The following ZFP64 variants were observed in gnomAD, a reference collection of about 807,000 sequenced individuals.
The protein encoded by ZFP64 is ZFP64 zinc finger protein, also known as zinc finger protein 64.
Under a neutral mutation model 51.6 loss-of-function variants are expected in ZFP64, and 14 were observed. The observed-to-expected ratio is 0.27, with a 90% CI of 0.18 to 0.42. The LOEUF is 0.42. ZFP64 is among the 10% of genes least tolerant of loss of function. The pLI is 1.00. For synonymous variants in ZFP64, 375 were observed against 361.4 expected (o/e 1.04, Z -0.43); for missense variants, 754 against 906.8 (o/e 0.83, Z 2.16).
intron 2 of ZFP64, among the ~76,000 whole-genome samples, chr20:52,170,558 A>G (rs1010481572): frequency 1.3e-5 from 2 of 152,262 alleles, no homozygotes. Context: ...ATCCCAAAGT[A>G]GATGGCTATA....
chr20:52,089,943 C>A (rs1456688724), intron 7 of ZFP64, among the ~76,000 whole-genome samples: 1 of 151,838 alleles, frequency 6.6e-6, no homozygotes, highest in Admixed American at 6.6e-5. Context: ...TGCTGTGAAC[C>A]TAAAACTGCT....
At chr20:52,099,997 G>A (rs953855958) in intron 5 of ZFP64, among the ~76,000 whole-genome samples, 1 of 152,182 alleles carries the variant, frequency 6.6e-6, no homozygotes, top group Non-Finnish European at 1.5e-5. Flanking sequence ...AAGGTCTGAA[G>A]TTTTTTCTTT....
At position 52,153,280 on chromosome 20, in the gene ZFP64, C is replaced by A. The variant is rs751065135; in HGVS notation, c.912G>T (p.Ser304=). 1 of 1,614,180 alleles carries A rather than the reference C, an allele frequency of 6.2e-7. No homozygotes were observed. The highest frequency in any genetic ancestry group is 1.1e-5 in the South Asian group (1 of 91,078). ...TCCCGCTGTGCTTGATACGGATGTG[C>A]GACTTGAGGTTCCCCTTCATGGTGC... is the stretch of plus-strand genomic sequence containing the variant. ...VRCTMKGNLK[S]HIRIKHSGNN... The change falls in exon 6 of 6, where the codon TCG becomes TCT. Residue 304 remains serine, a synonymous_variant. Transcript: ENST00000216923. The surrounding 1 kb of genome is among the most constrained non-coding windows in gnomAD (Gnocchi z 5.1).
chr20:52,102,223 A>T (rs2079060676), intron 5 of ZFP64, among the ~76,000 whole-genome samples: 1 of 152,032 alleles, frequency 6.6e-6, no homozygotes, highest in Admixed American at 6.6e-5. Context: ...ACAATTTGAG[A>T]AGCACAGCTC....
intron 5 of ZFP64, among the ~76,000 whole-genome samples, chr20:52,106,091 C>A (rs1261983413): frequency 6.6e-6 from 1 of 152,184 alleles, no homozygotes; most frequent in Non-Finnish European, 1.5e-5. Flanking sequence ...GCTCCCGCCC[C>A]GTGACTCGGG....
intron 5 of ZFP64, among the ~76,000 whole-genome samples, chr20:52,156,611 T>C (rs186738046): frequency 1.3e-5 from 2 of 152,320 alleles, no homozygotes; most frequent in East Asian, 1.9e-4. Context: ...ATATTGCATC[T>C]ATTGAGGTTT....
chr20:52,096,678 C>G (rs540178532), intron 7 of ZFP64: 1 of 181,410 alleles, frequency 5.5e-6, no homozygotes, highest in African/African-American at 2.3e-5. Flanking sequence ...CACCTGAGGT[C>G]AGGAGTTCGA....
chr20:52,103,409 T>C (rs947803868), intron 5 of ZFP64, among the ~76,000 whole-genome samples: 8 of 152,264 alleles, frequency 5.3e-5, no homozygotes, highest in African/African-American at 9.6e-5. Flanking sequence ...AAAACGTCAG[T>C]TGGAAGACGG....
At chr20:52,121,483 A>T (rs1335499160) in intron 5 of ZFP64, among the ~76,000 whole-genome samples, 1 of 152,248 alleles carries the variant, frequency 6.6e-6, no homozygotes, top group Admixed American at 6.5e-5. Context: ...TCTACGCCAA[A>T]GCCTAATTCA....
intron 5 of ZFP64, among the ~76,000 whole-genome samples, chr20:52,107,184 AAG>A (rs1215547819): frequency 2.6e-5 from 4 of 152,168 alleles, no homozygotes; most frequent in South Asian, 4.1e-4. Context: ...GGGAAGTTGA[AAG>A]AGGGGTGCAT....
chr20:52,190,408 G>A (rs1401903338), intron 1 of ZFP64, among the ~76,000 whole-genome samples: 1 of 150,888 alleles, frequency 6.6e-6, no homozygotes, highest in Non-Finnish European at 1.5e-5. Flanking sequence ...GTGACTTTAA[G>A]CGTGGGTTTT....
chr20:52,156,262 A>T (rs2122976527), intron 5 of ZFP64, among the ~76,000 whole-genome samples: 1 of 152,272 alleles, frequency 6.6e-6, no homozygotes, highest in South Asian at 2.1e-4. Context: ...CCATGTATGT[A>T]GTTAGGCATG....
At chr20:52,112,320 A>G (rs950798225) in intron 5 of ZFP64, among the ~76,000 whole-genome samples, 2 of 152,146 alleles carry the variant, frequency 1.3e-5, no homozygotes, top group African/African-American at 4.8e-5. Context: ...ATGGAGTAAG[A>G]GTTATAGTTA....
chr20:52,116,327 G>A (rs1978870253), intron 5 of ZFP64, among the ~76,000 whole-genome samples: 1 of 151,686 alleles, frequency 6.6e-6, no homozygotes, highest in Non-Finnish European at 1.5e-5. Flanking sequence ...GTAGAGACGG[G>A]GTTTCCCCAT....
At chr20:52,110,864 C>T in intron 5 of ZFP64, 1 of 1,610,300 alleles carries the variant, frequency 6.2e-7, no homozygotes, top group Non-Finnish European at 8.5e-7. Context: ...ATCCCCACCT[C>T]TGCCACCAAG....
chr20:52,126,833 C>T (rs1296830902), intron 5 of ZFP64, among the ~76,000 whole-genome samples: 2 of 151,928 alleles, frequency 1.3e-5, no homozygotes, highest in Non-Finnish European at 2.9e-5. Flanking sequence ...TAATGAAAGA[C>T]ACCCATATGG....
At chr20:52,121,018 G>T (rs1415985884) in intron 5 of ZFP64, among the ~76,000 whole-genome samples, 2 of 152,104 alleles carry the variant, frequency 1.3e-5, no homozygotes, top group Admixed American at 1.3e-4. Flanking sequence ...AACTGTTTTA[G>T]GGTGCCATGA....
Position 52,191,673 on chromosome 20 carries a change from C to G in ZFP64, c.-37G>C. On this transcript the variant is annotated 5_prime_UTR_variant, in exon 1 of 6. Transcript: ENST00000216923. The surrounding 1 kb of genome is among the most constrained non-coding windows in gnomAD (Gnocchi z 4.3). ...GGGAGGTCCCCGGCCGGCCGGGATG[C>G]CAAAGTGGGGGACGCTGATCTACAT... The G allele has an allele frequency of 6.4e-7, 1 of 1,567,084 alleles. No homozygotes were observed. Among genetic ancestry groups the G allele is most frequent in the Non-Finnish European group, 8.6e-7 (1 of 1,160,696 alleles).
At chr20:52,099,699 G>A (rs995821445) in intron 5 of ZFP64, among the ~76,000 whole-genome samples, 3 of 152,190 alleles carry the variant, frequency 2.0e-5, no homozygotes, top group Non-Finnish European at 4.4e-5. Context: ...ATGTGAATTT[G>A]TCTTCAAAAA....
Sources: allele counts gnomAD v4.1 joint callset (sites outside exome capture counted in the v4.1 genomes callset), GRCh38; gene constraint gnomAD v4.1.1; non-coding constraint Gnocchi (gnomAD v3.1); transcripts MANE v1.5; gene names NCBI Gene and HGNC (gene_info 2026-07-23, HGNC 2026-07-21).